EXOC4: variants seen among roughly 807,000 people sequenced by gnomAD.
The protein encoded by EXOC4 is exocyst complex component 4.
In EXOC4, 71 loss-of-function variants were observed where a neutral mutation model predicts 107.2. The ratio of observed to expected loss-of-function variants is 0.66; its 90% CI spans 0.55 to 0.81. EXOC4 has a LOEUF of 0.81. Ranked by LOEUF, EXOC4 falls within the 30% of genes least tolerant of loss-of-function variation. The pLI, the probability that EXOC4 is intolerant of heterozygous loss-of-function variation, is 0.00. For synonymous variants in EXOC4, 456 were observed against 441.2 expected, an observed-to-expected ratio of 1.03 and a Z score of -0.42; for missense variants, 1,108 against 1,189.6, an observed-to-expected ratio of 0.93 and a Z score of 1.01.
intron 7 of EXOC4, among the ~76,000 whole-genome samples, chr7:133,450,106 A>G (rs932275584): frequency 6.6e-6 from 1 of 151,948 alleles, no homozygotes; most frequent in Non-Finnish European, 1.5e-5. Flanking sequence ...GCAAGAAGCT[A>G]TGTGTTCTTG....
At chr7:133,261,469 C>G (rs1168890232) in intron 1 of EXOC4, among the ~76,000 whole-genome samples, 3 of 152,126 alleles carry the variant, frequency 2.0e-5, no homozygotes, top group African/African-American at 4.8e-5. Context: ...CTATGTTGCT[C>G]AGGCTGGTCT....
intron 5 of EXOC4, among the ~76,000 whole-genome samples, chr7:133,346,956 C>T (rs1406536629): frequency 2.0e-5 from 3 of 151,894 alleles, no homozygotes; most frequent in African/African-American, 7.3e-5. Context: ...ATCACCAGGG[C>T]CCTTATTTTC....
At chr7:133,592,056 C>A (rs532856685) in intron 9 of EXOC4, among the ~76,000 whole-genome samples, 1 of 151,818 alleles carries the variant, frequency 6.6e-6, no homozygotes, top group East Asian at 1.9e-4. Flanking sequence ...GCAGGCATTT[C>A]TTTTCTTTTT....
intron 9 of EXOC4, among the ~76,000 whole-genome samples, chr7:133,514,903 G>A (rs1026877238): frequency 1.3e-5 from 2 of 151,980 alleles, no homozygotes; most frequent in African/African-American, 4.8e-5. Flanking sequence ...TCATATAAGG[G>A]CATTTTAATC....
chr7:133,574,307 A>T (rs149704271), intron 9 of EXOC4, among the ~76,000 whole-genome samples: 1 of 152,222 alleles, frequency 6.6e-6, no homozygotes, highest in Non-Finnish European at 1.5e-5. Flanking sequence ...ATATACATAC[A>T]TGTTTACACA....
intron 6 of EXOC4, among the ~76,000 whole-genome samples, chr7:133,366,483 T>C (rs1376093214): frequency 1.3e-5 from 2 of 152,260 alleles, no homozygotes; most frequent in African/African-American, 4.8e-5. Context: ...ATAGATTTTA[T>C]TGCCATATTA....
intron 2 of EXOC4, among the ~76,000 whole-genome samples, chr7:133,281,361 G>GAA (rs777854537): frequency 7.4e-6 from 1 of 134,602 alleles, no homozygotes; most frequent in Non-Finnish European, 1.6e-5. Flanking sequence ...TAAAAGTCCA[G>GAA]AAAAAAAAAA....
At chr7:133,811,318 A>G (rs892042872) in intron 10 of EXOC4, among the ~76,000 whole-genome samples, 1 of 152,182 alleles carries the variant, frequency 6.6e-6, no homozygotes, top group African/African-American at 2.4e-5. Context: ...TAAAAATTCA[A>G]TGTTTTCATA....
chr7:134,090,418 T>C, the EXOC4 span, among the ~76,000 whole-genome samples: 1 of 152,218 alleles, frequency 6.6e-6, no homozygotes, highest in Non-Finnish European at 1.5e-5. Context: ...TACCCCTCTT[T>C]ATGACAGAAC....
intron 9 of EXOC4, among the ~76,000 whole-genome samples, chr7:133,607,367 G>A (rs961345756): frequency 6.6e-6 from 1 of 152,212 alleles, no homozygotes; most frequent in Non-Finnish European, 1.5e-5. Flanking sequence ...CAGATGGAAT[G>A]TGAACAACTA....
At chr7:133,714,822 A>G (rs1400744156) in intron 10 of EXOC4, among the ~76,000 whole-genome samples, 2 of 152,150 alleles carry the variant, frequency 1.3e-5, no homozygotes, top group Non-Finnish European at 2.9e-5. Context: ...TACAGATACC[A>G]GGAATGACTG....
intron 7 of EXOC4, among the ~76,000 whole-genome samples, chr7:133,458,336 T>G (rs1235805204): frequency 1.3e-5 from 2 of 152,194 alleles, no homozygotes; most frequent in African/African-American, 4.8e-5. Flanking sequence ...TCCAAAGACA[T>G]GGTTTTGCTT....
chr7:133,567,190 G>A (rs1403054527), intron 9 of EXOC4, among the ~76,000 whole-genome samples: 2 of 151,700 alleles, frequency 1.3e-5, no homozygotes, highest in Non-Finnish European at 2.9e-5. Context: ...CTTTCCCACA[G>A]GTTAATTTAT....
intron 7 of EXOC4, among the ~76,000 whole-genome samples, chr7:133,436,511 A>C (rs1014741654): frequency 3.9e-5 from 6 of 152,080 alleles, no homozygotes; most frequent in East Asian, 1.9e-4. Flanking sequence ...AAAAAAAAAA[A>C]AAACCCTAAT....
intron 17 of EXOC4, among the ~76,000 whole-genome samples, chr7:134,019,831 G>A (rs1216906365): frequency 6.6e-6 from 1 of 151,842 alleles, no homozygotes; most frequent in Non-Finnish European, 1.5e-5. Flanking sequence ...TCTCTGGTTG[G>A]GTGTCTTTCC....
At chr7:134,035,021 T>A (rs2346447) in intron 17 of EXOC4, among the ~76,000 whole-genome samples, 1 of 149,704 alleles carries the variant, frequency 6.7e-6, no homozygotes, top group Non-Finnish European at 1.5e-5. Flanking sequence ...GATAAAAAGG[T>A]TTTTTTTCTT....
intron 10 of EXOC4, among the ~76,000 whole-genome samples, chr7:133,816,289 C>T (rs1389329473): frequency 6.6e-6 from 1 of 152,098 alleles, no homozygotes; most frequent in East Asian, 1.9e-4. Flanking sequence ...TATTAAACCA[C>T]ACAAATCAGG....
intron 14 of EXOC4, among the ~76,000 whole-genome samples, chr7:133,977,579 A>C (rs888521196): frequency 1.3e-5 from 2 of 152,208 alleles, no homozygotes; most frequent in African/African-American, 4.8e-5. Flanking sequence ...AGTGGAGTGC[A>C]GTAGGAACTT....
intron 11 of EXOC4, among the ~76,000 whole-genome samples, chr7:133,822,974 G>C (rs937179061): frequency 6.6e-6 from 1 of 152,154 alleles, no homozygotes; most frequent in Non-Finnish European, 1.5e-5. Context: ...CTGCTTCCTA[G>C]TCTAGCACAT....
Sources: allele counts gnomAD v4.1 joint callset (sites outside exome capture counted in the v4.1 genomes callset), GRCh38; gene constraint gnomAD v4.1.1; transcripts MANE v1.5; gene names NCBI Gene and HGNC (gene_info 2026-07-23, HGNC 2026-07-21).